Variants in ST3GAL3 observed in about 807,000 individuals in gnomAD.
The protein encoded by ST3GAL3 is CMP-N-acetylneuraminate-beta-1,4-galactoside alpha-2,3-sialyltransferase.
In ST3GAL3, 21 loss-of-function variants were observed where a neutral mutation model predicts 50.1. The ratio of observed to expected loss-of-function variants is 0.42; its 90% CI spans 0.30 to 0.60. ST3GAL3 has a LOEUF of 0.60. Among genes scored for constraint, ST3GAL3 ranks in the 20% least tolerant of loss-of-function variants. The probability of loss-of-function intolerance (pLI) is 0.19; values close to 1 mark genes in which losing one functional copy is unlikely to be tolerated. For synonymous variants in ST3GAL3, 183 were observed against 190.0 expected, an observed-to-expected ratio of 0.96 and a Z score of 0.30; for missense variants, 353 against 489.4, an observed-to-expected ratio of 0.72 and a Z score of 2.63.
intron 3 of ST3GAL3, among the ~76,000 whole-genome samples, chr1:43,806,537 C>G (rs2059906875): frequency 6.6e-6 from 1 of 151,982 alleles, no homozygotes; most frequent in Admixed American, 6.6e-5. Flanking sequence ...GTATTGCCAT[C>G]ATTTAAAAAC....
chr1:43,753,372 T>C lies in ST3GAL3; in HGVS notation c.118+16992T>C, dbSNP rs116720271. ...TTTTGTAACTCAGTAATTTATTTTG[T>C]GGGTTTCTAGTAACTTAAGTAAGGC... is the stretch of plus-strand genomic sequence containing the variant. On this transcript the variant is annotated intron_variant, in intron 2 of 11. Coordinates refer to ENST00000347631, the MANE Select transcript of ST3GAL3 (RefSeq NM_006279.5). Among the ~76,000 whole-genome samples the C allele has an allele frequency of 9.4e-3, 1,437 of 152,346 alleles. 27 individuals are homozygous for C. Among genetic ancestry groups the C allele is most frequent in the African/African-American group, 0.034 (1,400 of 41,582 alleles).
At chr1:43,731,612 T>A (rs1675912736) in intron 1 of ST3GAL3, among the ~76,000 whole-genome samples, 1 of 149,788 alleles carries the variant, frequency 6.7e-6, no homozygotes. Flanking sequence ...TTAGCCAGGA[T>A]GGTCTCGATC....
intron 3 of ST3GAL3, among the ~76,000 whole-genome samples, chr1:43,809,812 G>A (rs547542533): frequency 1.8e-4 from 27 of 152,096 alleles, no homozygotes; most frequent in Middle Eastern, 3.4e-3. Context: ...CTGGCCAATG[G>A]TGAAACTCCG....
chr1:43,847,214 TACA>T lies in ST3GAL3; in HGVS notation c.302+8909_302+8911del, dbSNP rs550831097. ...GTGCACTCTGTGGGAATGTAAAATG[TACA>T]ACAACTTTGGAAAACAGGATGCAGT... On this transcript the variant is annotated intron_variant, in intron 5 of 11. Transcript: ENST00000347631. 1.6e-4 allele frequency among the ~76,000 whole-genome samples: 25 copies of T among 152,332 alleles called. No homozygotes were observed. In the South Asian group the frequency reaches 3.9e-3, roughly 24 times the overall value.
intron 5 of ST3GAL3, among the ~76,000 whole-genome samples, chr1:43,885,676 G>T (rs539876639): frequency 7.1e-4 from 108 of 152,296 alleles, no homozygotes; most frequent in African/African-American, 2.5e-3. Context: ...TAGGCCACCT[G>T]CATAATTAAC....
At chr1:43,759,518 G>A (rs1689503364) in intron 2 of ST3GAL3, among the ~76,000 whole-genome samples, 1 of 152,210 alleles carries the variant, frequency 6.6e-6, no homozygotes, top group Non-Finnish European at 1.5e-5. Context: ...AAAGCTGAGT[G>A]TATTGGTAGT....
chr1:43,728,611 C>T (rs535690308), intron 1 of ST3GAL3, among the ~76,000 whole-genome samples: 3 of 152,196 alleles, frequency 2.0e-5, no homozygotes, highest in South Asian at 2.1e-4. Flanking sequence ...AGTAGCTGGG[C>T]GTGGTGACAC....
chr1:43,846,775 A>C (rs911826486), intron 5 of ST3GAL3, among the ~76,000 whole-genome samples: 8 of 152,234 alleles, frequency 5.3e-5, no homozygotes, highest in Non-Finnish European at 2.9e-5. Flanking sequence ...CTGGGATTAC[A>C]GGCATGAGCC....
rs1201568596 is a variant in ST3GAL3 at position 43,894,096 on chromosome 1, T to C, written c.303-287T>C. 8 of 454,854 alleles carry C rather than the reference T, an allele frequency of 1.8e-5. No homozygotes were observed. The East Asian group carries it at 3.6e-4, about 20-fold the overall frequency. The allele number at this position is 454,854 out of a possible 1,614,324, so 28.2% of individuals were successfully genotyped here. On this transcript the variant is annotated intron_variant, in intron 5 of 11. Coordinates refer to ENST00000347631, the MANE Select transcript of ST3GAL3 (RefSeq NM_006279.5). ...ATGCCTGCACAACCTTCCAGAGAGC[T>C]TCCAGCTCTGAGAAATTGATCCTTG...
intron 2 of ST3GAL3, among the ~76,000 whole-genome samples, chr1:43,765,986 T>TG (rs1692797217): frequency 1.3e-5 from 2 of 152,074 alleles, no homozygotes; most frequent in African/African-American, 4.8e-5. Context: ...TCTCTGTGCT[T>TG]GAAGAAAGAA....
Position 43,828,914 on chromosome 1 carries a change from A to G in ST3GAL3, c.210-9305A>G, listed in dbSNP as rs545596445. On this transcript the variant is annotated intron_variant, in intron 4 of 11. Coordinates refer to ENST00000347631, the MANE Select transcript of ST3GAL3 (RefSeq NM_006279.5). ...TGTTCTAGCAGTCACCCTCCTAAGT[A>G]TTTACCCAGTGGAACTGAAAACTTA... Among the ~76,000 whole-genome samples, 3 of 152,282 alleles carry G rather than the reference A, an allele frequency of 2.0e-5. No individual in the cohort carries two copies. In the South Asian group the frequency reaches 6.2e-4, roughly 32 times the overall value.
chr1:43,914,980 C>T (rs919805572), intron 9 of ST3GAL3, among the ~76,000 whole-genome samples: 47 of 152,246 alleles, frequency 3.1e-4, no homozygotes, highest in South Asian at 8.3e-4. Context: ...ACCTCCCTTA[C>T]GCACACCCCA....
At chr1:43,724,910 C>T (rs572803396) in intron 1 of ST3GAL3, among the ~76,000 whole-genome samples, 1 of 152,226 alleles carries the variant, frequency 6.6e-6, no homozygotes, top group African/African-American at 2.4e-5. Flanking sequence ...ACCACAGTGA[C>T]AGGTGGGATT....
At chr1:43,898,197 G>C (rs1221424269) in intron 6 of ST3GAL3, 38 bp from the exon 7 acceptor site, 1 of 1,607,838 alleles carries the variant, frequency 6.2e-7, no homozygotes, top group Non-Finnish European at 8.5e-7. Context: ...AGAAAGGTAA[G>C]TGACCCTGTA....
intron 3 of ST3GAL3, among the ~76,000 whole-genome samples, chr1:43,811,387 G>T (rs1245370183): frequency 1.3e-5 from 2 of 152,168 alleles, no homozygotes; most frequent in African/African-American, 4.8e-5. Flanking sequence ...GCTGACTCTG[G>T]TGGGGTGCTT....
At chr1:43,779,205 G>A (rs1412210143) in intron 2 of ST3GAL3, among the ~76,000 whole-genome samples, 4 of 152,002 alleles carry the variant, frequency 2.6e-5, no homozygotes, top group African/African-American at 9.7e-5. Context: ...GCCTCCCAAA[G>A]TGCTGGGATT....
intron 5 of ST3GAL3, 110 bp from the exon 6 acceptor site, chr1:43,894,273 T>C: frequency 1.9e-6 from 2 of 1,063,824 alleles, no homozygotes; most frequent in Non-Finnish European, 1.5e-6. Flanking sequence ...TATGCCGGAA[T>C]GCAGAGGGGG....
rs1678862931 is a variant in ST3GAL3, at chr1:43,737,132, G to GGAA, written c.118+753_118+754insAAG. ...TGAAATATCACACAGTGACCATAGT[G>GGAA]GTTTTCTTTTTGGTTATTTTGTCTG... On this transcript the variant is annotated intron_variant, in intron 2 of 11. Transcript: ENST00000347631. This position sits in a 1 kb window ranked among gnomAD's most constrained non-coding sequence, Gnocchi z 4.0. 1 of 152,724 alleles carries GGAA rather than the reference G, an allele frequency of 6.5e-6. No individual in the cohort carries two copies. The highest frequency in any genetic ancestry group is 2.4e-5 in the African/African-American group (1 of 41,422). The allele number at this position is 152,724 out of a possible 1,614,324, so 9.5% of individuals were successfully genotyped here. A position where few individuals can be genotyped will look rare whatever the true frequency, so the allele number is the denominator to read the frequency against.
chr1:43,765,796 C>T (rs1276895109), intron 2 of ST3GAL3, among the ~76,000 whole-genome samples: 5 of 145,808 alleles, frequency 3.4e-5, no homozygotes, highest in East Asian at 2.0e-4. Flanking sequence ...CGCGCGCGCG[C>T]GCGCGTCCGC....
Sources: gnomAD v4.1 joint callset for allele counts (sites outside exome capture counted in the v4.1 genomes callset) on GRCh38, gnomAD v4.1.1 for gene constraint, Gnocchi (gnomAD v3.1) non-coding constraint, MANE v1.5 for transcripts, NCBI Gene and HGNC (gene_info 2026-07-23, HGNC 2026-07-21) for gene names.